SORCS2: variants seen among roughly 807,000 people sequenced by gnomAD.
SORCS2 encodes the protein sortilin related VPS10 domain containing receptor 2.
Under a neutral mutation model 141.6 loss-of-function variants are expected in SORCS2, and 100 were observed. That is an observed-to-expected ratio of 0.71 (90% confidence interval 0.60 to 0.83). The LOEUF is 0.83. Ranked by LOEUF, SORCS2 falls within the 40% of genes least tolerant of loss-of-function variation. SORCS2 has a pLI of 0.00. For synonymous variants in SORCS2, 789 were observed against 676.9 expected, an observed-to-expected ratio of 1.17 and a Z score of -2.57; for missense variants, 1,646 against 1,560.2, an observed-to-expected ratio of 1.05 and a Z score of -0.93.
At chr4:7,677,078 T>A (rs996763623) in intron 9 of SORCS2, among the ~76,000 whole-genome samples, 1 of 152,006 alleles carries the variant, frequency 6.6e-6, no homozygotes, top group African/African-American at 2.4e-5. Context: ...GCTCTCGCTC[T>A]CTGTCTCCCT....
chr4:7,407,051 G>C (rs1238425380), intron 2 of SORCS2, among the ~76,000 whole-genome samples: 1 of 152,054 alleles, frequency 6.6e-6, no homozygotes, highest in East Asian at 1.9e-4. Flanking sequence ...AAAGATACTT[G>C]ATATGATTTC....
chr4:7,379,217 C>G (rs1178833862), intron 1 of SORCS2, among the ~76,000 whole-genome samples: 2 of 152,142 alleles, frequency 1.3e-5, no homozygotes, highest in Non-Finnish European at 1.5e-5. Context: ...TCAGAAATCG[C>G]ACCTGTGCTG....
At chr4:7,402,301 T>C (rs1032921110) in intron 2 of SORCS2, among the ~76,000 whole-genome samples, 2 of 152,204 alleles carry the variant, frequency 1.3e-5, no homozygotes, top group African/African-American at 4.8e-5. Context: ...TACCCTGAAA[T>C]TGGTGTGGGT....
chr4:7,343,902 C>T (rs552010534), intron 1 of SORCS2, among the ~76,000 whole-genome samples: 1 of 152,304 alleles, frequency 6.6e-6, no homozygotes, highest in East Asian at 1.9e-4. Context: ...GTGAGTGGCC[C>T]GAGGCCCTGC....
chr4:7,421,896 A>G, intron 2 of SORCS2, among the ~76,000 whole-genome samples: 1 of 92,630 alleles, frequency 1.1e-5, no homozygotes, highest in Non-Finnish European at 2.4e-5. Flanking sequence ...CTTGCAGGAG[A>G]GGGAGGGCAG....
chr4:7,322,617 C>T (rs973182657), intron 1 of SORCS2, among the ~76,000 whole-genome samples: 2 of 152,160 alleles, frequency 1.3e-5, no homozygotes, highest in African/African-American at 4.8e-5. Flanking sequence ...GCGCAGACAC[C>T]CTGAGAGGCC....
chr4:7,674,912 C>T (rs368723960), intron 8 of SORCS2, among the ~76,000 whole-genome samples: 13 of 152,280 alleles, frequency 8.5e-5, no homozygotes, highest in African/African-American at 2.2e-4. Flanking sequence ...TTGGGAGGGG[C>T]GGCTCCGCAG....
intron 4 of SORCS2, among the ~76,000 whole-genome samples, chr4:7,653,702 C>T (rs546064104): frequency 2.4e-4 from 37 of 152,268 alleles, no homozygotes; most frequent in African/African-American, 8.7e-4. Context: ...CTGCACTGAC[C>T]CCTGCGGTAG....
chr4:7,467,789 G>C (rs964461909), intron 2 of SORCS2, among the ~76,000 whole-genome samples: 1 of 152,256 alleles, frequency 6.6e-6, no homozygotes, highest in Non-Finnish European at 1.5e-5. Flanking sequence ...CCTGGCTGCT[G>C]TGGCTCCCGG....
intron 3 of SORCS2, among the ~76,000 whole-genome samples, chr4:7,575,635 G>A (rs1410153704): frequency 6.6e-6 from 1 of 152,196 alleles, no homozygotes; most frequent in Non-Finnish European, 1.5e-5. Context: ...ATTGAAACTA[G>A]AATGGTAGTA....
At chr4:7,719,114 C>T in intron 18 of SORCS2, among the ~76,000 whole-genome samples, 1 of 152,244 alleles carries the variant, frequency 6.6e-6, no homozygotes, top group East Asian at 1.9e-4. Flanking sequence ...ACACTTGGCT[C>T]TCCGGTGAAC....
At chr4:7,386,625 A>G (rs1723355286) in intron 1 of SORCS2, among the ~76,000 whole-genome samples, 1 of 151,144 alleles carries the variant, frequency 6.6e-6, no homozygotes, top group African/African-American at 2.4e-5. Flanking sequence ...CACCATACAC[A>G]TGAACACATG....
At chr4:7,342,624 G>A (rs1386631731) in intron 1 of SORCS2, among the ~76,000 whole-genome samples, 1 of 152,096 alleles carries the variant, frequency 6.6e-6, no homozygotes, top group Non-Finnish European at 1.5e-5. Flanking sequence ...CGGCCTGCTT[G>A]CACCCCCTAG....
chr4:7,391,751 T>C (rs551260465), intron 1 of SORCS2, among the ~76,000 whole-genome samples: 1 of 152,312 alleles, frequency 6.6e-6, no homozygotes, highest in South Asian at 2.1e-4. Context: ...AGTTTCCTTA[T>C]TTCTAAAATG....
At position 7,242,148 on chromosome 4, in the gene SORCS2, G is replaced by A. The variant is rs560052549; in HGVS notation, c.480+49022G>A. 6.6e-5 allele frequency among the ~76,000 whole-genome samples: 10 copies of A among 152,316 alleles called. No individual in the cohort carries two copies. In the East Asian group the frequency reaches 1.5e-3, roughly 24 times the overall value. On this transcript the variant is annotated intron_variant, in intron 1 of 26. Transcript: ENST00000507866. ...TGCTGTGGCTGGTCCTTAGGAAAGC[G>A]GCTGCGTGAGAGTCACATGAGTGTT...
intron 1 of SORCS2, among the ~76,000 whole-genome samples, chr4:7,207,592 T>C (rs183764985): frequency 6.6e-6 from 1 of 152,148 alleles, no homozygotes. Context: ...ATGGCACATA[T>C]AAGTAAAGGT....
intron 2 of SORCS2, among the ~76,000 whole-genome samples, chr4:7,451,791 G>T (rs201770641): frequency 6.6e-6 from 1 of 152,214 alleles, no homozygotes; most frequent in East Asian, 1.9e-4. Context: ...GATTGCAGAG[G>T]AGTGAGGGCC....
intron 1 of SORCS2, among the ~76,000 whole-genome samples, chr4:7,231,206 C>G (rs1167813743): frequency 2.0e-5 from 3 of 152,216 alleles, no homozygotes; most frequent in African/African-American, 7.2e-5. Flanking sequence ...AGAGCTGATG[C>G]TCCAGGTTGA....
At chr4:7,563,056 G>T (rs150447825) in intron 3 of SORCS2, among the ~76,000 whole-genome samples, 7 of 152,304 alleles carry the variant, frequency 4.6e-5, no homozygotes, top group South Asian at 2.1e-4. Flanking sequence ...AATGTACAAA[G>T]AAATTCCTAG....
Sources: gnomAD v4.1 joint callset for allele counts (sites outside exome capture counted in the v4.1 genomes callset) on GRCh38, gnomAD v4.1.1 for gene constraint, MANE v1.5 for transcripts, NCBI Gene and HGNC (gene_info 2026-07-23, HGNC 2026-07-21) for gene names.